The following CDC42BPB variants were observed in gnomAD, a reference collection of about 807,000 sequenced individuals.
CDC42BPB encodes the protein CDC42 binding protein kinase beta.
CDC42BPB carries 37 observed loss-of-function variants against 214.9 expected under a neutral mutation model. The ratio of observed to expected loss-of-function variants is 0.17; its 90% CI spans 0.13 to 0.23. The LOEUF is 0.23. Ranked by LOEUF, CDC42BPB falls within the 10% of genes least tolerant of loss-of-function variation. The pLI is 1.00. For missense variants in CDC42BPB, 1,694 were observed against 2,227.0 expected (o/e 0.76, Z 4.82); for synonymous variants, 931 against 884.0 (o/e 1.05, Z -0.94).
In CDC42BPB at chr14:102,974,433, T is replaced by C. The variant is rs565676467; in HGVS notation, c.1508-284A>G. 3.5e-4 allele frequency: 309 copies of C among 888,028 alleles called. 2 individuals carry two copies. The African/African-American group carries it at 5.4e-3, about 16-fold the overall frequency. 55.0% of individuals were successfully genotyped at this position (888,028 alleles called of 1,614,324 possible). On this transcript the variant is annotated intron_variant, in intron 11 of 36. Transcript: ENST00000361246. The stretch of plus-strand genomic sequence containing the variant: ...GGGAGCCCTTGGGTGGCGCACACAC[T>C]CGTCTGCTCAGTCCCTCTAACCTGT...
intron 8 of CDC42BPB, among the ~76,000 whole-genome samples, chr14:102,979,759 A>T (rs536880611): frequency 1.1e-4 from 17 of 152,274 alleles, no homozygotes; most frequent in African/African-American, 4.1e-4. Flanking sequence ...ACGAAGTCAC[A>T]CATGTATGGG....
At chr14:102,996,912 C>T (rs1387577883) in intron 5 of CDC42BPB, among the ~76,000 whole-genome samples, 2 of 151,998 alleles carry the variant, frequency 1.3e-5, no homozygotes, top group Non-Finnish European at 2.9e-5. Context: ...GCAATGTCCA[C>T]AACCTCATCA....
In CDC42BPB at chr14:102,952,537, G is replaced by A; in HGVS notation, c.3133C>T (p.Leu1045=). ...CCCTGCCGGATCAGCCCAACCATCA[G>A]GGAGGTGCAGTGGCTGCACTGAGTA... The part of the protein sequence containing the change: ...SPTQCSHCTS[L]MVGLIRQGYA... The change falls in exon 24 of 37, where the codon CTG becomes TTG. Residue 1045 remains leucine (L), a synonymous_variant. Coordinates refer to ENST00000361246, the MANE Select transcript of CDC42BPB (RefSeq NM_006035.4). 6.2e-7 allele frequency: 1 copy of A among 1,613,948 alleles called. No individual in the cohort carries two copies.
chr14:102,974,576 G>C (rs1595483679), intron 11 of CDC42BPB, among the ~76,000 whole-genome samples: 1 of 152,336 alleles, frequency 6.6e-6, no homozygotes, highest in East Asian at 1.9e-4. Context: ...GTTCCTGATA[G>C]GAAATGCAGA....
intron 20 of CDC42BPB, among the ~76,000 whole-genome samples, chr14:102,960,297 T>C (rs1892902285): frequency 6.6e-6 from 1 of 151,836 alleles, no homozygotes. Flanking sequence ...TACCAGATAT[T>C]AAAGCAGATT....
At chr14:102,951,116 G>A (rs1332657886) in intron 24 of CDC42BPB, among the ~76,000 whole-genome samples, 1 of 152,234 alleles carries the variant, frequency 6.6e-6, no homozygotes, top group East Asian at 1.9e-4. Context: ...ATGCGCACAG[G>A]GAAAGGGCCC....
chr14:103,028,210 T>G (rs565441601), intron 1 of CDC42BPB, among the ~76,000 whole-genome samples: 2 of 152,152 alleles, frequency 1.3e-5, no homozygotes, highest in Non-Finnish European at 2.9e-5. Context: ...GTACCACACA[T>G]GAGGGGGTCA....
chr14:102,944,658 G>C lies in CDC42BPB; in HGVS notation c.3812-171C>G. 1.0e-6 allele frequency: 1 copy of C among 985,372 alleles called. No homozygotes were observed. The highest frequency in any genetic ancestry group is 1.2e-6 in the Non-Finnish European group (1 of 829,912). The allele number at this position is 985,372 out of a possible 1,614,324, so 61.0% of individuals were successfully genotyped here. ...GAGCCCGTCTCTGCCCACAGAGCCA[G>C]TGGCTTGAACGCCCCCCGGAGAAGC... On this transcript the variant is annotated intron_variant, in intron 29 of 36. Transcript: ENST00000361246. This position sits in a 1 kb window ranked among gnomAD's most constrained non-coding sequence, Gnocchi z 6.6.
At chr14:103,016,287 T>C (rs1455616935) in intron 1 of CDC42BPB, among the ~76,000 whole-genome samples, 1 of 152,180 alleles carries the variant, frequency 6.6e-6, no homozygotes, top group East Asian at 1.9e-4. Flanking sequence ...GCCAGGATGG[T>C]ACTGCTAGGG....
chr14:103,043,719 G>T (rs949479807), intron 1 of CDC42BPB, among the ~76,000 whole-genome samples: 2 of 151,676 alleles, frequency 1.3e-5, no homozygotes, highest in Admixed American at 6.6e-5. Context: ...ATTGTAAATG[G>T]CAGAGAAGCC....
Position 102,986,510 on chromosome 14 carries a change from A to G in CDC42BPB, c.667T>C (p.Leu223=), listed in dbSNP as rs1177110231. ...ACAGTGCCATCATCATTCATCTTCA[A>G]ACATGATCCAAAGTCAGCCAGGCGG... ...HIRLADFGSC[L]KMNDDGTVQS... The change falls in exon 6 of 37, where the codon TTG becomes CTG. Residue 223 remains leucine (L), a synonymous_variant. Coordinates refer to ENST00000361246, the MANE Select transcript of CDC42BPB (RefSeq NM_006035.4). 1 of 1,613,988 alleles carries G rather than the reference A, an allele frequency of 6.2e-7. No homozygotes were observed. Among genetic ancestry groups the G allele is most frequent in the South Asian group, 1.1e-5 (1 of 91,072 alleles).
In CDC42BPB at chr14:102,944,317, A is replaced by T. The variant is rs1892045402; in HGVS notation, c.3982T>A (p.Cys1328Ser). Residue 1328 changes from cysteine (C) to serine (S), a missense_variant, in exon 30 of 37, where the codon TGC becomes AGC. Physicochemically the swap from Cys to Ser is moderately radical, Grantham distance 112. Around this residue, in one of 7 missense-constraint regions of CDC42BPB, gnomAD observed 567 missense variants for 790.3 expected, o/e 0.72. Coordinates refer to ENST00000361246, the MANE Select transcript of CDC42BPB (RefSeq NM_006035.4). The surrounding 1 kb of genome is among the most constrained non-coding windows in gnomAD (Gnocchi z 6.6). ...AGTGTGGCCGTGGCCATGAGCTGGC[A>T]GCCTTTGGTTTCCGGAAGCTTGATG... ...FDIKLPETKGCQLMATATLKR... is the reference protein window; with the variant it reads ...FDIKLPETKGSQLMATATLKR... 1 of 1,612,984 alleles carries T rather than the reference A, an allele frequency of 6.2e-7. No individual in the cohort carries two copies. Among genetic ancestry groups the T allele is most frequent in the Admixed American group, 1.7e-5 (1 of 59,996 alleles).
At chr14:103,023,971 T>G (rs1193918466) in intron 1 of CDC42BPB, among the ~76,000 whole-genome samples, 2 of 151,934 alleles carry the variant, frequency 1.3e-5, no homozygotes, top group African/African-American at 4.8e-5. Flanking sequence ...ATGGGGGCGG[T>G]GCCCACCCCG....
At chr14:102,997,110 GCTGTGTCT>G (rs1281008107) in intron 5 of CDC42BPB, among the ~76,000 whole-genome samples, 6 of 152,142 alleles carry the variant, frequency 3.9e-5, no homozygotes, top group Non-Finnish European at 8.8e-5. Context: ...CACAGGAGGG[GCTGTGTCT>G]GCTTGGGAAA....
chr14:102,974,238 T>C, intron 11 of CDC42BPB, 89 bp from the exon 12 acceptor site: 2 of 1,544,086 alleles, frequency 1.3e-6, no homozygotes, highest in Non-Finnish European at 1.7e-6. Flanking sequence ...CAGGAAATTA[T>C]TTAATAATTC....
At chr14:103,019,291 C>T (rs1376819562) in intron 1 of CDC42BPB, among the ~76,000 whole-genome samples, 2 of 152,164 alleles carry the variant, frequency 1.3e-5, no homozygotes, top group African/African-American at 4.8e-5. Context: ...AGAAGCTGGG[C>T]CAGGCTAACC....
At chr14:102,938,631 TTTTG>T (rs953612380) in intron 34 of CDC42BPB, 118 of 894,192 alleles carry the variant, frequency 1.3e-4, no homozygotes, top group African/African-American at 5.8e-4. Flanking sequence ...AGCGTACTTT[TTTTG>T]TTTGTTTGTT....
chr14:103,039,292 C>CAAAAAAAAA (rs202028122), intron 1 of CDC42BPB, among the ~76,000 whole-genome samples: 60 of 70,326 alleles, frequency 8.5e-4, no homozygotes, highest in East Asian at 1.4e-3. Flanking sequence ...GATACCAAAC[C>CAAAAAAAAA]AAAAAAAAAA....
rs1270385399 is a variant in CDC42BPB at position 103,052,150 on chromosome 14, A to C, written c.175+4849T>G. Among the ~76,000 whole-genome samples, 7 of 152,196 alleles carry C rather than the reference A, an allele frequency of 4.6e-5. No individual in the cohort carries two copies. The East Asian group carries it at 1.3e-3, about 29-fold the overall frequency. On this transcript the variant is annotated intron_variant, in intron 1 of 36. Coordinates refer to ENST00000361246, the MANE Select transcript of CDC42BPB (RefSeq NM_006035.4). ...CCCGGCCTGAAGTTTTAAGACAGAA[A>C]AGGTAGGGCTGGGTTGTTAATGTTT...
Sources: gnomAD v4.1 joint callset for allele counts (sites outside exome capture counted in the v4.1 genomes callset) on GRCh38, gnomAD v4.1.1 for gene constraint, gnomAD v4.1.1 regional missense constraint, Gnocchi (gnomAD v3.1) non-coding constraint, MANE v1.5 for transcripts, NCBI Gene and HGNC (gene_info 2026-07-23, HGNC 2026-07-21) for gene names.